NMBR: variants seen among roughly 807,000 people sequenced by gnomAD.
NMBR encodes the protein neuromedin B receptor, also known as neuromedin-B receptor.
A neutral mutation model predicts 20.5 loss-of-function variants in NMBR; 16 were observed. The observed-to-expected ratio is 0.78, with a 90% CI of 0.53 to 1.19. NMBR has a LOEUF of 1.19. Among genes scored for constraint, NMBR ranks in the 50% most tolerant of loss-of-function variants. The pLI, the probability that NMBR is intolerant of heterozygous loss-of-function variation, is 0.00. For missense variants in NMBR, 582 were observed against 499.1 expected, an observed-to-expected ratio of 1.17 and a Z score of -1.58; for synonymous variants, 212 against 196.6, an observed-to-expected ratio of 1.08 and a Z score of -0.65.
In NMBR at chr6:142,147,059, G is replaced by C. The variant is rs1582870130; in HGVS notation, c.-679C>G. 7.1e-6 allele frequency: 4 copies of C among 560,770 alleles called. No individual in the cohort carries two copies. The highest frequency in any genetic ancestry group is 1.3e-5 in the Non-Finnish European group (4 of 311,340). 34.7% of individuals were successfully genotyped at this position (560,770 alleles called of 1,614,324 possible). On this transcript the variant is annotated 5_prime_UTR_variant, in exon 1 of 4. Coordinates refer to ENST00000258042, the MANE Select transcript of NMBR (RefSeq NM_002511.4). ...TTCCTCCTACCAGCAGAGAGCGCTAGCGCCATGCGCGGCATAAGCGCCAAA... is the reference window on the plus strand; with the variant it reads ...TTCCTCCTACCAGCAGAGAGCGCTACCGCCATGCGCGGCATAAGCGCCAAA...
chr6:142,128,553 A>G (rs1217689372), intron 1 of NMBR, among the ~76,000 whole-genome samples: 1 of 152,032 alleles, frequency 6.6e-6, no homozygotes, highest in African/African-American at 2.4e-5. Context: ...TTTATGCCTA[A>G]TTAGTTGAAA....
intron 2 of NMBR, among the ~76,000 whole-genome samples, chr6:142,085,720 T>C (rs1346416157): frequency 6.6e-6 from 1 of 152,178 alleles, no homozygotes; most frequent in African/African-American, 2.4e-5. Context: ...ATATGCTTTC[T>C]GAAATCTAAT....
chr6:142,098,262 A>T (rs1257438313), intron 1 of NMBR, among the ~76,000 whole-genome samples: 1 of 152,174 alleles, frequency 6.6e-6, no homozygotes, highest in Admixed American at 6.6e-5. Context: ...TATCTTGCTA[A>T]CATCGGGGAT....
chr6:142,083,726 C>T (rs1031966500), intron 2 of NMBR, among the ~76,000 whole-genome samples: 1 of 152,084 alleles, frequency 6.6e-6, no homozygotes, highest in Non-Finnish European at 1.5e-5. Context: ...TGCTTGCTTC[C>T]CCTTCACCCT....
At chr6:142,091,086 T>C (rs1332833493) in intron 1 of NMBR, among the ~76,000 whole-genome samples, 1 of 152,186 alleles carries the variant, frequency 6.6e-6, no homozygotes, top group African/African-American at 2.4e-5. Flanking sequence ...ATTTTTTTGG[T>C]ATTTTATTAA....
chr6:142,090,758 C>T (rs1472795511), intron 1 of NMBR, among the ~76,000 whole-genome samples: 2 of 151,530 alleles, frequency 1.3e-5, no homozygotes, highest in Non-Finnish European at 2.9e-5. Flanking sequence ...GAATAAATTA[C>T]TAAAGCAATC....
intron 1 of NMBR, among the ~76,000 whole-genome samples, chr6:142,139,153 G>A (rs1362448251): frequency 6.6e-6 from 1 of 152,112 alleles, no homozygotes; most frequent in African/African-American, 2.4e-5. Flanking sequence ...AGGAGATGGG[G>A]CAAAAGGACC....
intron 1 of NMBR, among the ~76,000 whole-genome samples, chr6:142,092,667 C>T (rs77493746): frequency 5.0e-4 from 76 of 152,264 alleles, no homozygotes; most frequent in African/African-American, 1.7e-3. Context: ...GCTCTACCAT[C>T]GCTCTATCTT....
chr6:142,132,107 A>T lies in NMBR; in HGVS notation c.-664+14937T>A, dbSNP rs553961422. ...CACAGTACTCCTATTCAATGAGAAC[A>T]CTGTCCCCTGTTTATTGGTTACAAA... is the stretch of plus-strand genomic sequence containing the variant. On this transcript the variant is annotated intron_variant, in intron 1 of 3. Transcript: ENST00000258042. 1.2e-4 allele frequency among the ~76,000 whole-genome samples: 18 copies of T among 152,342 alleles called. No individual in the cohort carries two copies. In the East Asian group the frequency reaches 2.1e-3, roughly 18 times the overall value.
chr6:142,144,484 C>T (rs192278963), intron 1 of NMBR, among the ~76,000 whole-genome samples: 1 of 152,164 alleles, frequency 6.6e-6, no homozygotes, highest in Admixed American at 6.5e-5. Flanking sequence ...GTTGCCCTCA[C>T]CCCCTATTTT....
At chr6:142,105,771 A>G (rs558359571) in intron 1 of NMBR, among the ~76,000 whole-genome samples, 1 of 152,280 alleles carries the variant, frequency 6.6e-6, no homozygotes, top group South Asian at 2.1e-4. Context: ...AAAACTCTAG[A>G]AAGCAATTTT....
At chr6:142,077,588 G>T (rs1776975313) in intron 3 of NMBR, among the ~76,000 whole-genome samples, 1 of 152,132 alleles carries the variant, frequency 6.6e-6, no homozygotes, top group Non-Finnish European at 1.5e-5. Context: ...AGCCGATGTG[G>T]ATCTTTGATG....
At chr6:142,083,333 G>A (rs549494147) in intron 2 of NMBR, among the ~76,000 whole-genome samples, 2 of 152,296 alleles carry the variant, frequency 1.3e-5, no homozygotes, top group East Asian at 1.9e-4. Context: ...AAAAGGCTAC[G>A]AGAAAGCTCT....
chr6:142,141,050 G>T (rs934235509), intron 1 of NMBR, among the ~76,000 whole-genome samples: 3 of 152,078 alleles, frequency 2.0e-5, no homozygotes, highest in African/African-American at 7.2e-5. Flanking sequence ...AGGATATAGA[G>T]GATTATAAAT....
intron 1 of NMBR, among the ~76,000 whole-genome samples, chr6:142,094,565 A>T (rs1406780285): frequency 6.6e-6 from 1 of 152,124 alleles, no homozygotes; most frequent in East Asian, 1.9e-4. Flanking sequence ...CTTGCAGTAC[A>T]GTTTGAAGTC....
At chr6:142,080,154 A>G (rs1055343127) in intron 2 of NMBR, among the ~76,000 whole-genome samples, 1 of 151,938 alleles carries the variant, frequency 6.6e-6, no homozygotes, top group African/African-American at 2.4e-5. Context: ...TTTAATTTCT[A>G]AGATATTCTG....
At chr6:142,127,334 C>T (rs1376200209) in intron 1 of NMBR, among the ~76,000 whole-genome samples, 3 of 151,764 alleles carry the variant, frequency 2.0e-5, no homozygotes, top group Admixed American at 6.6e-5. Flanking sequence ...CCTTAATTTC[C>T]GTTTGTCTGT....
chr6:142,127,181 A>G (rs1235652291), intron 1 of NMBR, among the ~76,000 whole-genome samples: 1 of 151,860 alleles, frequency 6.6e-6, no homozygotes, highest in Non-Finnish European at 1.5e-5. Flanking sequence ...GGGGTGAAAT[A>G]AAGGTCCAAT....
At position 142,107,056 on chromosome 6, in the gene NMBR, T is replaced by A. The variant is rs569395628; in HGVS notation, c.-663-17735A>T. Among the ~76,000 whole-genome samples, 4 of 152,300 alleles carry A rather than the reference T, an allele frequency of 2.6e-5. No homozygotes were observed. The East Asian group carries it at 7.7e-4, about 29-fold the overall frequency. ...GTTAACTTAGCTACTGTTTCTTAGC[T>A]AGAATTACGAGTTCAGGGCAGAGCT... On this transcript the variant is annotated intron_variant, in intron 1 of 3. Transcript: ENST00000258042.
Sources: gnomAD v4.1 joint callset for allele counts (sites outside exome capture counted in the v4.1 genomes callset) on GRCh38, gnomAD v4.1.1 for gene constraint, MANE v1.5 for transcripts, NCBI Gene and HGNC (gene_info 2026-07-23, HGNC 2026-07-21) for gene names.